Variants in ZBTB20 observed in about 807,000 individuals in gnomAD.
ZBTB20 encodes zinc finger and BTB domain-containing protein 20.
A neutral mutation model predicts 56.9 loss-of-function variants in ZBTB20; 9 were observed. The observed-to-expected ratio is 0.16, with a 90% confidence interval of 0.10 to 0.28. The LOEUF is 0.28. Ranked by LOEUF, ZBTB20 falls within the 10% of genes least tolerant of loss-of-function variation. The pLI is 1.00. For synonymous variants in ZBTB20, 417 were observed against 420.7 expected, an observed-to-expected ratio of 0.99 and a Z score of 0.11; for missense variants, 655 against 1,003.0, an observed-to-expected ratio of 0.65 and a Z score of 4.69.
chr3:114,612,856 G>A lies in ZBTB20; in HGVS notation c.-295+80672C>T, dbSNP rs76018103. Reference sequence around the variant, plus strand: ...CAAATGGTACACCATATAGTATGCCGAATATTTTTAATGCTGATTTTTGTA... The same window carrying A: ...CAAATGGTACACCATATAGTATGCCAAATATTTTTAATGCTGATTTTTGTA... On this transcript the variant is annotated intron_variant, in intron 6 of 11. Transcript: ENST00000675478. Among the ~76,000 whole-genome samples, 235 of 152,178 alleles carry A rather than the reference G, an allele frequency of 1.5e-3. 1 individual carries two copies. The highest frequency in any genetic ancestry group is 5.3e-3 in the African/African-American group (221 of 41,530).
intron 10 of ZBTB20, among the ~76,000 whole-genome samples, chr3:114,364,019 C>T (rs2082141816): frequency 6.6e-6 from 1 of 151,956 alleles, no homozygotes; most frequent in South Asian, 2.1e-4. Flanking sequence ...AAATGTCATG[C>T]CTAGCCAATT....
chr3:115,015,046 GAGA>G (rs1426871828), intron 2 of ZBTB20, among the ~76,000 whole-genome samples: 1 of 151,772 alleles, frequency 6.6e-6, no homozygotes, highest in African/African-American at 2.4e-5. Context: ...AAGGAGTGAG[GAGA>G]AGTTTAGCAA....
chr3:114,841,457 C>T (rs1195812672), intron 4 of ZBTB20, among the ~76,000 whole-genome samples: 1 of 151,970 alleles, frequency 6.6e-6, no homozygotes, highest in Non-Finnish European at 1.5e-5. Context: ...AGGAGCCAGG[C>T]TGGAAGATTA....
At chr3:114,946,294 A>G (rs1361697975) in intron 3 of ZBTB20, among the ~76,000 whole-genome samples, 3 of 145,830 alleles carry the variant, frequency 2.1e-5, no homozygotes, top group Non-Finnish European at 4.4e-5. Flanking sequence ...TTTTCAAAGT[A>G]TTTATATCAT....
chr3:114,611,588 T>G (rs944580648), intron 6 of ZBTB20, among the ~76,000 whole-genome samples: 1 of 152,142 alleles, frequency 6.6e-6, no homozygotes, highest in African/African-American at 2.4e-5. Flanking sequence ...ATCAGGCATT[T>G]AGGAGGTATT....
At chr3:115,134,460 T>C (rs746558418) in intron 1 of ZBTB20, among the ~76,000 whole-genome samples, 70 of 152,182 alleles carry the variant, frequency 4.6e-4, no homozygotes, top group Non-Finnish European at 8.1e-4. Context: ...TTTTGATTTC[T>C]AGATCTATCC....
At chr3:114,532,756 TG>T (rs1432636314) in intron 6 of ZBTB20, among the ~76,000 whole-genome samples, 1 of 152,154 alleles carries the variant, frequency 6.6e-6, no homozygotes, top group Non-Finnish European at 1.5e-5. Context: ...TGGCATCTGG[TG>T]GGTGCCCCTC....
rs185576207 is a variant in ZBTB20 at position 114,632,558 on chromosome 3, T to G, written c.-295+60970A>C. On this transcript the variant is annotated intron_variant, in intron 6 of 11. Coordinates refer to ENST00000675478, the MANE Select transcript of ZBTB20 (RefSeq NM_001348800.3). ...CTTTTTAATCAGCCTTCCTGGGGTC[T>G]GCATTTGATTACAGCATTTGTGTTC... is the stretch of plus-strand genomic sequence containing the variant. 2.7e-3 allele frequency among the ~76,000 whole-genome samples: 407 copies of G among 152,346 alleles called. 1 individual carries two copies. Among genetic ancestry groups the G allele is most frequent in the Non-Finnish European group, 4.2e-3 (285 of 68,034 alleles).
chr3:114,614,706 T>C (rs1489243375), intron 6 of ZBTB20, among the ~76,000 whole-genome samples: 1 of 152,010 alleles, frequency 6.6e-6, no homozygotes, highest in East Asian at 1.9e-4. Context: ...GAAAGTTAGA[T>C]TGTAGTGTCC....
At chr3:114,937,186 T>C (rs958691424) in intron 3 of ZBTB20, among the ~76,000 whole-genome samples, 1 of 152,200 alleles carries the variant, frequency 6.6e-6, no homozygotes, top group African/African-American at 2.4e-5. Flanking sequence ...CCTTGAGGAA[T>C]CGCCACACTG....
intron 3 of ZBTB20, among the ~76,000 whole-genome samples, chr3:114,921,094 A>G (rs1443063592): frequency 1.3e-5 from 2 of 152,112 alleles, no homozygotes; most frequent in African/African-American, 4.8e-5. Flanking sequence ...GTAATAAAAA[A>G]TTCTCCCATC....
chr3:115,059,863 T>G (rs144625402), intron 2 of ZBTB20, among the ~76,000 whole-genome samples: 25 of 152,300 alleles, frequency 1.6e-4, no homozygotes, highest in Non-Finnish European at 2.9e-4. Flanking sequence ...TCATACAAAT[T>G]TCAGGGCTTA....
chr3:114,786,215 C>T (rs1388786732), intron 5 of ZBTB20, among the ~76,000 whole-genome samples: 1 of 151,882 alleles, frequency 6.6e-6, no homozygotes, highest in African/African-American at 2.4e-5. Context: ...CATAGGTATA[C>T]ACGTGCCATG....
At position 114,391,321 on chromosome 3, in the gene ZBTB20, G is replaced by A. The variant is rs6799246; in HGVS notation, c.-254-2216C>T. On this transcript the variant is annotated intron_variant, in intron 7 of 11. Transcript: ENST00000675478. Reference sequence around the variant, plus strand: ...AGCTGCTACAATGTAGCCCAATCTAGTTTCTCACTCTTATCTCTACACTCC... The same window carrying A: ...AGCTGCTACAATGTAGCCCAATCTAATTTCTCACTCTTATCTCTACACTCC... 4.6e-5 allele frequency among the ~76,000 whole-genome samples: 7 copies of A among 152,204 alleles called. No individual in the cohort carries two copies. In the East Asian group the frequency reaches 1.4e-3, roughly 29 times the overall value.
At chr3:114,504,873 C>T (rs532653086) in intron 6 of ZBTB20, among the ~76,000 whole-genome samples, 3 of 152,284 alleles carry the variant, frequency 2.0e-5, no homozygotes, top group African/African-American at 7.2e-5. Context: ...TAGGAAACAG[C>T]TCAGATCATA....
intron 7 of ZBTB20, among the ~76,000 whole-genome samples, chr3:114,459,988 T>A (rs2092249866): frequency 6.6e-6 from 1 of 151,968 alleles, no homozygotes; most frequent in Non-Finnish European, 1.5e-5. Flanking sequence ...TTTAGGAAAT[T>A]CTCTGGTTCT....
At chr3:114,495,526 T>C (rs2043197626) in intron 7 of ZBTB20, among the ~76,000 whole-genome samples, 1 of 152,182 alleles carries the variant, frequency 6.6e-6, no homozygotes. Context: ...AAATCTGTCT[T>C]GTGCTGTGTT....
chr3:115,118,080 G>A (rs1465648794), intron 1 of ZBTB20, among the ~76,000 whole-genome samples: 3 of 152,154 alleles, frequency 2.0e-5, no homozygotes, highest in African/African-American at 7.2e-5. Flanking sequence ...AGTATTAAAT[G>A]AGAACATATA....
chr3:115,140,015 T>TA (rs1418370823), intron 1 of ZBTB20, among the ~76,000 whole-genome samples: 1 of 152,086 alleles, frequency 6.6e-6, no homozygotes, highest in Non-Finnish European at 1.5e-5. Context: ...GTATTTTACA[T>TA]ATACTGTTTC....
Sources: allele counts gnomAD v4.1 joint callset (sites outside exome capture counted in the v4.1 genomes callset), GRCh38; gene constraint gnomAD v4.1.1; transcripts MANE v1.5; gene names NCBI Gene and HGNC (gene_info 2026-07-23, HGNC 2026-07-21).